CHST12: variants seen among roughly 807,000 people sequenced by gnomAD.
CHST12 encodes the protein carbohydrate (chondroitin 4) sulfotransferase 12.
Under a neutral mutation model 27.9 loss-of-function variants are expected in CHST12, and 23 were observed. The observed-to-expected ratio is 0.82, with a 90% CI of 0.59 to 1.17. The LOEUF is 1.17. Ranked by LOEUF, CHST12 falls within the 50% of genes most tolerant of loss-of-function variation. CHST12 has a pLI of 0.00. For synonymous variants in CHST12, 322 were observed against 273.0 expected, an observed-to-expected ratio of 1.18 and a Z score of -1.77; for missense variants, 682 against 603.0, an observed-to-expected ratio of 1.13 and a Z score of -1.37.
In CHST12 at chr7:2,433,505, G is replaced by A. The variant is rs1486326455; in HGVS notation, c.866G>A (p.Arg289His). ...CACACCAGCCTGCCCGCCTCGGCGC[G>A]CGAGGCCTTCCGCGCTGGCCTCAAG... is the stretch of plus-strand genomic sequence containing the variant. ...ANHTSLPASAREAFRAGLKVS... is the reference protein window; with the variant it reads ...ANHTSLPASAHEAFRAGLKVS... The change falls in exon 2 of 2, where the codon CGC becomes CAC. Residue 289 changes from arginine (R) to histidine (H), a missense_variant. Coordinates refer to ENST00000618655, the MANE Select transcript of CHST12 (RefSeq NM_018641.5). This position sits in a 1 kb window ranked among gnomAD's most constrained non-coding sequence, Gnocchi z 6.1. 3.1e-6 allele frequency: 5 copies of A among 1,612,190 alleles called. No individual in the cohort carries two copies. Among genetic ancestry groups the A allele is most frequent in the South Asian group, 1.1e-5 (1 of 91,060 alleles).
Position 2,432,992 on chromosome 7 carries a change from G to GC in CHST12, c.355dup (p.Arg119ProfsTer276). The GC allele has an allele frequency of 6.2e-7, 1 of 1,610,166 alleles. No individual in the cohort carries two copies. Among genetic ancestry groups the GC allele is most frequent in the Non-Finnish European group, 8.5e-7 (1 of 1,178,664 alleles). On this transcript the variant is annotated frameshift_variant, in exon 2 of 2. Transcript: ENST00000618655. LOFTEE classifies it high-confidence loss of function. ...GACGCCCGGCGCAGCCCAGACCAGG[G>GC]CCGGCAGCAGGCGGAGCGGAGGAGC... is the stretch of plus-strand genomic sequence containing the variant.
At chr7:2,418,643 G>A (rs1027556714) in intron 1 of CHST12, among the ~76,000 whole-genome samples, 2 of 152,212 alleles carry the variant, frequency 1.3e-5, no homozygotes, top group African/African-American at 2.4e-5. Flanking sequence ...GATCATGACC[G>A]CAGTGCTCAG....
intron 1 of CHST12, among the ~76,000 whole-genome samples, chr7:2,422,830 A>G (rs1782012633): frequency 6.7e-6 from 1 of 149,256 alleles, no homozygotes; most frequent in African/African-American, 2.5e-5. Context: ...CACTGCGTGC[A>G]GCCCTGCTTT....
At position 2,433,016 on chromosome 7, in the gene CHST12, G is replaced by GC; in HGVS notation, c.378dup (p.Val127ArgfsTer268). 6.2e-7 allele frequency: 1 copy of GC among 1,611,106 alleles called. No individual in the cohort carries two copies. The highest frequency in any genetic ancestry group is 8.5e-7 in the Non-Finnish European group (1 of 1,179,384). On this transcript the variant is annotated frameshift_variant, in exon 2 of 2. Coordinates refer to ENST00000618655, the MANE Select transcript of CHST12 (RefSeq NM_018641.5). LOFTEE classifies it high-confidence loss of function. The surrounding 1 kb of genome is among the most constrained non-coding windows in gnomAD (Gnocchi z 6.1). ...GGCCGGCAGCAGGCGGAGCGGAGGAGCGTGCTGCGGGGCTTCTGCGCCAAC... is the reference window on the plus strand; with the variant it reads ...GGCCGGCAGCAGGCGGAGCGGAGGAGCCGTGCTGCGGGGCTTCTGCGCCAAC...
At chr7:2,422,645 C>T (rs1044254692) in intron 1 of CHST12, among the ~76,000 whole-genome samples, 2 of 152,220 alleles carry the variant, frequency 1.3e-5, no homozygotes, top group South Asian at 2.1e-4. Flanking sequence ...AAGCGATTCT[C>T]CTGCCTCAGC....
intron 1 of CHST12, among the ~76,000 whole-genome samples, chr7:2,410,804 AGAG>A (rs1043612396): frequency 4.5e-4 from 69 of 152,202 alleles, no homozygotes; most frequent in African/African-American, 1.7e-3. Context: ...CTGTGATAGA[AGAG>A]GAGATCAGTG....
chr7:2,427,253 C>T (rs1782147345), intron 1 of CHST12, among the ~76,000 whole-genome samples: 1 of 152,088 alleles, frequency 6.6e-6, no homozygotes, highest in African/African-American at 2.4e-5. Flanking sequence ...ATTCATAGCA[C>T]TTTGCGAGGC....
intron 1 of CHST12, among the ~76,000 whole-genome samples, chr7:2,429,715 A>T (rs1350697426): frequency 6.6e-6 from 1 of 151,978 alleles, no homozygotes; most frequent in East Asian, 1.9e-4. Context: ...CTATAATTTC[A>T]TTCCTTGTCT....
chr7:2,433,687 G>A lies in CHST12; in HGVS notation c.1048G>A (p.Ala350Thr), dbSNP rs1237915665. ...GKLETLDEDA[A>T]QLLQLLQVDR... ...GCTGGAGACTCTGGACGAGGACGCC[G>A]CGCAGCTGCTGCAGCTACTCCAGGT... Residue 350 changes from alanine (A) to threonine (T), a missense_variant, in exon 2 of 2, where the codon GCG becomes ACG. Physicochemically the swap from Ala to Thr is moderately conservative, Grantham distance 58 (BLOSUM62 0). Coordinates refer to ENST00000618655, the MANE Select transcript of CHST12 (RefSeq NM_018641.5). The surrounding 1 kb of genome is among the most constrained non-coding windows in gnomAD (Gnocchi z 6.1). 1.2e-6 allele frequency: 2 copies of A among 1,613,212 alleles called. No individual in the cohort carries two copies. The highest frequency in any genetic ancestry group is 1.3e-5 in the African/African-American group (1 of 74,906).
chr7:2,415,618 C>CTTT (rs540084839), intron 1 of CHST12, among the ~76,000 whole-genome samples: 5 of 140,798 alleles, frequency 3.6e-5, no homozygotes, highest in African/African-American at 7.7e-5. Context: ...TTTCTTTTTT[C>CTTT]TTTTTTTTTT....
intron 1 of CHST12, among the ~76,000 whole-genome samples, chr7:2,409,625 GAAA>G (rs60865098): frequency 2.1e-5 from 3 of 145,992 alleles, no homozygotes; most frequent in Admixed American, 6.8e-5. Flanking sequence ...CTGTCTCAAA[GAAA>G]AAAAAAAAAA....
intron 1 of CHST12, among the ~76,000 whole-genome samples, chr7:2,423,759 G>C (rs1443558911): frequency 6.6e-6 from 1 of 152,188 alleles, no homozygotes; most frequent in Admixed American, 6.5e-5. Context: ...GCTTTTTACT[G>C]TGATTTACCT....
At position 2,432,481 on chromosome 7, in the gene CHST12, C is replaced by G; in HGVS notation, c.-77-82C>G. ...GCCCAGCGCTCCTGCTCCTCCGGACCCCAGTCCCCCACTGATCAGAAGGCA... is the reference window on the plus strand; with the variant it reads ...GCCCAGCGCTCCTGCTCCTCCGGACGCCAGTCCCCCACTGATCAGAAGGCA... On this transcript the variant is annotated intron_variant, in intron 1 of 1. Coordinates refer to ENST00000618655, the MANE Select transcript of CHST12 (RefSeq NM_018641.5). 4 of 856,234 alleles carry G rather than the reference C, an allele frequency of 4.7e-6. No individual in the cohort carries two copies. The South Asian group carries it at 7.2e-5, about 15-fold the overall frequency. The allele number at this position is 856,234 out of a possible 1,614,324, so 53.0% of individuals were successfully genotyped here.
chr7:2,404,590 C>T lies in CHST12; in HGVS notation c.-78+917C>T, dbSNP rs1057424017. Among the ~76,000 whole-genome samples, 7 of 152,190 alleles carry T rather than the reference C, an allele frequency of 4.6e-5. 1 individual carries two copies. Among genetic ancestry groups the T allele is most frequent in the African/African-American group, 1.7e-4 (7 of 41,440 alleles). On this transcript the variant is annotated intron_variant, in intron 1 of 1. Coordinates refer to ENST00000618655, the MANE Select transcript of CHST12 (RefSeq NM_018641.5). ...GACAGCTCAGCGGGTCCCCCACTTA[C>T]CCCCACGCGGGGACCCGGGTTAGCC...
At chr7:2,409,947 CTT>C (rs376917546) in intron 1 of CHST12, among the ~76,000 whole-genome samples, 1 of 150,192 alleles carries the variant, frequency 6.7e-6, no homozygotes, top group Non-Finnish European at 1.5e-5. Flanking sequence ...ATTCTGAGCA[CTT>C]TTTTTTTTTT....
chr7:2,429,928 G>A (rs1782231042), intron 1 of CHST12, among the ~76,000 whole-genome samples: 1 of 152,198 alleles, frequency 6.6e-6, no homozygotes, highest in Non-Finnish European at 1.5e-5. Context: ...GACTACAGGT[G>A]CATGCCACCA....
intron 1 of CHST12, among the ~76,000 whole-genome samples, chr7:2,418,798 T>C (rs948022459): frequency 6.6e-6 from 1 of 152,072 alleles, no homozygotes; most frequent in African/African-American, 2.4e-5. Flanking sequence ...GTTGCTGTTG[T>C]TGTTGTTTTG....
chr7:2,423,322 T>G (rs1782024642), intron 1 of CHST12, among the ~76,000 whole-genome samples: 4 of 152,066 alleles, frequency 2.6e-5, no homozygotes, highest in Non-Finnish European at 5.9e-5. Context: ...CGTGTGGTTA[T>G]AACCGTTCAG....
intron 1 of CHST12, among the ~76,000 whole-genome samples, chr7:2,427,582 C>T (rs547866827): frequency 6.6e-6 from 1 of 151,970 alleles, no homozygotes; most frequent in Non-Finnish European, 1.5e-5. Flanking sequence ...GCCACCCCCC[C>T]CTACAGAGAT....
Sources: gnomAD v4.1 joint callset for allele counts (sites outside exome capture counted in the v4.1 genomes callset) on GRCh38, gnomAD v4.1.1 for gene constraint, Gnocchi (gnomAD v3.1) non-coding constraint, MANE v1.5 for transcripts, NCBI Gene and HGNC (gene_info 2026-07-23, HGNC 2026-07-21) for gene names.